DRGX: variants seen among roughly 807,000 people sequenced by gnomAD.
DRGX encodes the protein dorsal root ganglia homeobox.
In DRGX, 21 loss-of-function variants were observed where a neutral mutation model predicts 28.6. The ratio of observed to expected loss-of-function variants is 0.73; its 90% CI spans 0.52 to 1.06. The LOEUF (loss-of-function observed/expected upper bound fraction) is 1.06, where lower values mean the gene tolerates loss of function less well. Among genes scored for constraint, DRGX ranks in the 50% least tolerant of loss-of-function variants. The pLI, the probability that DRGX is intolerant of heterozygous loss-of-function variation, is 0.00. For missense variants in DRGX, 354 were observed against 343.9 expected (o/e 1.03, Z -0.23); for synonymous variants, 136 against 139.1 (o/e 0.98, Z 0.16).
chr10:49,395,625 G>A, intron 1 of DRGX, 104 bp from the exon 2 acceptor site: 1 of 684,130 alleles, frequency 1.5e-6, no homozygotes, highest in Non-Finnish European at 2.5e-6. Flanking sequence ...CCCTCCCAAC[G>A]CCCTCATCTC....
At position 49,366,185 on chromosome 10, in the gene DRGX, C is replaced by T. The variant is rs777835103; in HGVS notation, c.723G>A (p.Ala241=). ...TCTTTTCCTGGCTGCCATCTGGGGG[C>T]GCCGGCTTGGCGACAGGGCCGGGGC... ...SSSPGPVAKP[A]PPDGSQEKTS... is the part of the protein sequence containing the mutation. Residue 241 remains alanine (A), a synonymous_variant, in exon 7 of 7, where the codon GCG becomes GCA. Transcript: ENST00000374139. The T allele has an allele frequency of 8.7e-6, 14 of 1,612,742 alleles. No individual in the cohort carries two copies. Among genetic ancestry groups the T allele is most frequent in the Middle Eastern group, 1.6e-4 (1 of 6,064 alleles).
intron 6 of DRGX, among the ~76,000 whole-genome samples, chr10:49,380,505 T>C (rs1483227821): frequency 2.6e-5 from 4 of 152,216 alleles, no homozygotes; most frequent in Admixed American, 1.3e-4. Flanking sequence ...ACACCCATTA[T>C]TGTCATGTTA....
chr10:49,386,294 C>T (rs1271416502), intron 6 of DRGX, among the ~76,000 whole-genome samples, 184 bp downstream of exon 6: 1 of 152,138 alleles, frequency 6.6e-6, no homozygotes, highest in Admixed American at 6.5e-5. Context: ...ATGCTCAGGA[C>T]GCATGTAGGA....
At chr10:49,393,588 T>TA (rs1264161973) in intron 2 of DRGX, among the ~76,000 whole-genome samples, 2 of 152,196 alleles carry the variant, frequency 1.3e-5, no homozygotes, top group African/African-American at 2.4e-5. Flanking sequence ...AAAATTAAAA[T>TA]AAAAAAGATG....
chr10:49,375,541 G>A (rs537979903), intron 6 of DRGX, among the ~76,000 whole-genome samples: 43 of 152,262 alleles, frequency 2.8e-4, no homozygotes, highest in African/African-American at 1.0e-3. Flanking sequence ...AGGGGTTTTG[G>A]TGGAATCAGC....
rs770674902 is a variant in DRGX, at chr10:49,386,684, G to T, written c.409C>A (p.Gln137Lys). 6.3e-7 allele frequency: 1 copy of T among 1,578,262 alleles called. No individual in the cohort carries two copies. The highest frequency in any genetic ancestry group is 8.6e-7 in the Non-Finnish European group (1 of 1,163,270). ...CCCAGAGACCCACAGCCTCACCTCTGCTGGGCCTCCAGCGCCTCCTTCTTA... is the reference window on the plus strand; with the variant it reads ...CCCAGAGACCCACAGCCTCACCTCTTCTGGGCCTCCAGCGCCTCCTTCTTA... ...RSKKEALEAQ[Q>K]SLGRTVGPAG... The change falls in exon 5 of 7, where the codon CAG (glutamine) becomes AAG (lysine). Residue 137 changes from glutamine to lysine, a missense_variant. Coordinates refer to ENST00000374139, the MANE Select transcript of DRGX (RefSeq NM_001276451.2).
intron 6 of DRGX, among the ~76,000 whole-genome samples, chr10:49,372,556 C>A (rs1202078074): frequency 6.6e-6 from 1 of 152,170 alleles, no homozygotes; most frequent in East Asian, 1.9e-4. Flanking sequence ...TCCACAATTC[C>A]ATACAAATTA....
At position 49,366,227 on chromosome 10, in the gene DRGX, CAGG is replaced by C; in HGVS notation, c.678_680del (p.Leu227del). The C allele has an allele frequency of 6.2e-7, 1 of 1,613,864 alleles. No individual in the cohort carries two copies. On this transcript the variant is annotated inframe_deletion, in exon 7 of 7. Coordinates refer to ENST00000374139, the MANE Select transcript of DRGX (RefSeq NM_001276451.2). ...GGCCGGGGCTGCTGCTGGTGGAAGG[CAGG>C]AGGTTGGCTGACTGCAGGACAGCTT...
intron 6 of DRGX, among the ~76,000 whole-genome samples, chr10:49,373,980 T>A (rs867263886): frequency 2.0e-5 from 3 of 152,216 alleles, no homozygotes; most frequent in South Asian, 4.1e-4. Flanking sequence ...AACATATGTT[T>A]ATTAGGGATA....
intron 6 of DRGX, among the ~76,000 whole-genome samples, chr10:49,369,675 C>A (rs1849633865): frequency 6.6e-6 from 1 of 152,054 alleles, no homozygotes; most frequent in East Asian, 1.9e-4. Context: ...TGCACAACAG[C>A]AGGAAGGTGC....
intron 6 of DRGX, among the ~76,000 whole-genome samples, chr10:49,375,591 T>A (rs938709105): frequency 6.6e-6 from 1 of 152,228 alleles, no homozygotes; most frequent in Non-Finnish European, 1.5e-5. Flanking sequence ...CTATTACATG[T>A]AAGGCCTCTG....
In DRGX at chr10:49,388,508, A is replaced by G. The variant is rs546307418; in HGVS notation, c.234+1625T>C. Among the ~76,000 whole-genome samples, 4 of 152,358 alleles carry G rather than the reference A, an allele frequency of 2.6e-5. No homozygotes were observed. The East Asian group carries it at 7.7e-4, about 29-fold the overall frequency. On this transcript the variant is annotated intron_variant, in intron 4 of 6. Transcript: ENST00000374139. ...TACTTGGCTTTTAATTGCACATATC[A>G]GCAACCATTGAATAATGATTTTATC... is the stretch of plus-strand genomic sequence containing the variant.
intron 6 of DRGX, among the ~76,000 whole-genome samples, chr10:49,382,838 ACT>A (rs1279023076): frequency 6.6e-6 from 1 of 151,046 alleles, no homozygotes; most frequent in Non-Finnish European, 1.5e-5. Context: ...GTCTAGGGAG[ACT>A]CTATCATATT....
chr10:49,374,040 G>C (rs1485693052), intron 6 of DRGX, among the ~76,000 whole-genome samples: 1 of 152,128 alleles, frequency 6.6e-6, no homozygotes, highest in Non-Finnish European at 1.5e-5. Context: ...AATATTCACA[G>C]TGGCTGGTTC....
chr10:49,371,391 A>G (rs894924446), intron 6 of DRGX, among the ~76,000 whole-genome samples: 1 of 152,120 alleles, frequency 6.6e-6, no homozygotes, highest in African/African-American at 2.4e-5. Flanking sequence ...AGTGGCTCGC[A>G]CCTGTATTCC....
Position 49,386,780 on chromosome 10 carries a change from G to A in DRGX, c.313C>T (p.Pro105Ser). Residue 105 changes from proline (P) to serine (S), a missense_variant, in exon 5 of 7, where the codon CCC becomes TCC. By Grantham distance (74) the Pro-to-Ser change is moderately conservative (BLOSUM62 -1). Coordinates refer to ENST00000374139, the MANE Select transcript of DRGX (RefSeq NM_001276451.2). ...GGAGGAGGTGTCACCTCTGCCATGG[G>A]CTCCTTGGCTCCTGGCTCCTGGTCT... ...ASDQEPGAKE[P>S]MAEVTPPPVR... The A allele has an allele frequency of 6.2e-7, 1 of 1,609,720 alleles. No individual in the cohort carries two copies. The highest frequency in any genetic ancestry group is 8.5e-7 in the Non-Finnish European group (1 of 1,178,000).
At position 49,375,658 on chromosome 10, in the gene DRGX, G is replaced by A. The variant is rs767534098; in HGVS notation, c.527-9277C>T. ...CTCATTGATGGGGGCCAACTCAGCC[G>A]ACCATTCCAACCAGAGCCTTGTGCT... On this transcript the variant is annotated intron_variant, in intron 6 of 6. Coordinates refer to ENST00000374139, the MANE Select transcript of DRGX (RefSeq NM_001276451.2). Among the ~76,000 whole-genome samples, 8 of 152,230 alleles carry A rather than the reference G, an allele frequency of 5.3e-5. No homozygotes were observed. The East Asian group carries it at 7.7e-4, about 15-fold the overall frequency.
At chr10:49,394,784 T>G (rs1849947445) in intron 2 of DRGX, among the ~76,000 whole-genome samples, 1 of 149,676 alleles carries the variant, frequency 6.7e-6, no homozygotes, top group Admixed American at 6.7e-5. Context: ...GAGTGGGGAG[T>G]GGTCGACATT....
rs1365095800 is a variant in DRGX, at chr10:49,391,233, C to T, written c.63G>A (p.Ser21=). The T allele has an allele frequency of 1.1e-5, 18 of 1,611,416 alleles. No homozygotes were observed. Among genetic ancestry groups the T allele is most frequent in the East Asian group, 4.5e-5 (2 of 44,808 alleles). Residue 21 remains serine (S), a synonymous_variant, in exon 3 of 7, where the codon TCG becomes TCA. Transcript: ENST00000374139. ...GCAGAAACCCGTCATCAAAATCCCCCGAAGAGTGATTGCCAAAGGTTGCAG... is the reference window on the plus strand; with the variant it reads ...GCAGAAACCCGTCATCAAAATCCCCTGAAGAGTGATTGCCAAAGGTTGCAG... ...EGTATFGNHS[S]GDFDDGFLRR... is the part of the protein sequence containing the mutation.
Sources: gnomAD v4.1 joint callset for allele counts (sites outside exome capture counted in the v4.1 genomes callset) on GRCh38, gnomAD v4.1.1 for gene constraint, MANE v1.5 for transcripts, NCBI Gene and HGNC (gene_info 2026-07-23, HGNC 2026-07-21) for gene names.